WFDC10B: variants seen among roughly 807,000 people sequenced by gnomAD.
WFDC10B encodes the protein protein WFDC10B.
In WFDC10B, 1 loss-of-function variant was observed where a neutral mutation model predicts 2.7. That is an observed-to-expected ratio of 0.38 (90% CI 0.13 to 1.79). The LOEUF is 1.79. WFDC10B is among the 40% of genes most tolerant of loss of function. WFDC10B has a pLI of 0.33. For missense variants in WFDC10B, 71 were observed against 87.8 expected (o/e 0.81, Z 0.76); for synonymous variants, 26 against 32.2 (o/e 0.81, Z 0.65).
At chr20:45,687,690 T>C (rs1983665872) in intron 2 of WFDC10B, among the ~76,000 whole-genome samples, 1 of 152,138 alleles carries the variant, frequency 6.6e-6, no homozygotes, top group Non-Finnish European at 1.5e-5. Context: ...CTTGACTTTT[T>C]AATAACCTCC....
intron 2 of WFDC10B, chr20:45,702,123 C>T: frequency 6.2e-7 from 1 of 1,612,688 alleles, no homozygotes. Flanking sequence ...CCACTGACAC[C>T]ATGAAGCCTG....
At chr20:45,685,086 A>G in intron 3 of WFDC10B, 126 bp from the exon 4 acceptor site, 2 of 1,247,960 alleles carry the variant, frequency 1.6e-6, no homozygotes, top group Admixed American at 2.6e-5. Context: ...TGGACTCTTC[A>G]GGGAACTTCC....
rs368301764 is a variant in WFDC10B at position 45,684,782 on chromosome 20, A to G, written c.*48T>C. 6.2e-7 allele frequency: 1 copy of G among 1,601,676 alleles called. No individual in the cohort carries two copies. Among genetic ancestry groups the G allele is most frequent in the South Asian group, 1.1e-5 (1 of 89,226 alleles). On this transcript the variant is annotated 3_prime_UTR_variant, in exon 4 of 4. Coordinates refer to ENST00000330523, the MANE Select transcript of WFDC10B (RefSeq NM_172006.2). ...GCTTCGGATGTGGGCACAGTCTCGG[A>G]TGGAAGGGTTCAGGGAGCAGGATGC...
At chr20:45,689,473 G>A (rs1983737307) in intron 2 of WFDC10B, among the ~76,000 whole-genome samples, 1 of 152,146 alleles carries the variant, frequency 6.6e-6, no homozygotes, top group Non-Finnish European at 1.5e-5. Flanking sequence ...CTAGCCATGA[G>A]CATGGAATGT....
chr20:45,690,591 T>G (rs1276352213), intron 2 of WFDC10B, among the ~76,000 whole-genome samples: 2 of 152,044 alleles, frequency 1.3e-5, no homozygotes. Flanking sequence ...GTCGAGGAAT[T>G]TATCCATTTC....
At chr20:45,693,374 C>A (rs971569022) in intron 2 of WFDC10B, among the ~76,000 whole-genome samples, 4 of 152,202 alleles carry the variant, frequency 2.6e-5, no homozygotes, top group Non-Finnish European at 4.4e-5. Context: ...CAGACAGGGA[C>A]ATGTAAGTCT....
At chr20:45,692,845 G>A (rs576903068) in intron 2 of WFDC10B, among the ~76,000 whole-genome samples, 58 of 152,238 alleles carry the variant, frequency 3.8e-4, no homozygotes, top group African/African-American at 1.1e-3. Context: ...GTCATTCTCC[G>A]TCCAGCTTTG....
rs761246502 is a variant in WFDC10B at position 45,684,785 on chromosome 20, G to A, written c.*45C>T. The A allele has an allele frequency of 1.2e-5, 19 of 1,603,134 alleles. No individual in the cohort carries two copies. Among genetic ancestry groups the A allele is most frequent in the Non-Finnish European group, 1.5e-5 (18 of 1,173,518 alleles). Reference sequence around the variant, plus strand: ...TCGGATGTGGGCACAGTCTCGGATGGAAGGGTTCAGGGAGCAGGATGCACA... The same window carrying A: ...TCGGATGTGGGCACAGTCTCGGATGAAAGGGTTCAGGGAGCAGGATGCACA... On this transcript the variant is annotated 3_prime_UTR_variant, in exon 4 of 4. Transcript: ENST00000330523.
chr20:45,704,688 T>A, intron 1 of WFDC10B, 127 bp from the exon 2 acceptor site: 2 of 106,436 alleles, frequency 1.9e-5, no homozygotes, highest in Non-Finnish European at 2.5e-5. Context: ...GGATCTCTCC[T>A]TTTTTTTTTT....
chr20:45,686,276 G>A (rs1460348474), intron 2 of WFDC10B, among the ~76,000 whole-genome samples: 1 of 152,052 alleles, frequency 6.6e-6, no homozygotes, highest in Non-Finnish European at 1.5e-5. Flanking sequence ...TTTCCAAAAG[G>A]TACTCTTTAT....
At chr20:45,685,644 G>A (rs1983586043) in intron 3 of WFDC10B, among the ~76,000 whole-genome samples, 1 of 152,102 alleles carries the variant, frequency 6.6e-6, no homozygotes. Context: ...TTTCACTATG[G>A]GATGTACCAT....
chr20:45,689,237 A>G (rs1244277399), intron 2 of WFDC10B, among the ~76,000 whole-genome samples: 1 of 151,706 alleles, frequency 6.6e-6, no homozygotes, highest in African/African-American at 2.4e-5. Flanking sequence ...TGTTTTGGTT[A>G]CTGTAGCCTT....
At chr20:45,703,806 G>A (rs569750907) in intron 2 of WFDC10B, among the ~76,000 whole-genome samples, 76 of 152,244 alleles carry the variant, frequency 5.0e-4, no homozygotes, top group African/African-American at 1.8e-3. Context: ...CCTCCTGATC[G>A]AGAGACACCA....
intron 2 of WFDC10B, among the ~76,000 whole-genome samples, chr20:45,704,182 T>C (rs528672580): frequency 6.6e-6 from 1 of 152,332 alleles, no homozygotes; most frequent in East Asian, 1.9e-4. Context: ...GCTTGGCATC[T>C]GAACTACAAG....
intron 2 of WFDC10B, among the ~76,000 whole-genome samples, chr20:45,692,315 T>G (rs1191080631): frequency 6.6e-6 from 1 of 152,076 alleles, no homozygotes; most frequent in East Asian, 1.9e-4. Context: ...TTATGTGTCT[T>G]GGAGTTGCTC....
At chr20:45,698,852 C>T (rs1296643632) in intron 2 of WFDC10B, among the ~76,000 whole-genome samples, 1 of 151,594 alleles carries the variant, frequency 6.6e-6, no homozygotes, top group African/African-American at 2.4e-5. Flanking sequence ...CCTGTAATCC[C>T]AGCTACTCAG....
Position 45,704,939 on chromosome 20 carries a change from C to T in WFDC10B, c.-151G>A. ...GTACCTGCAGGTGTAACCAAAATCC[C>T]AAAGCAAAATTTGTCCTACACTTTT... On this transcript the variant is annotated 5_prime_UTR_variant, in exon 1 of 4. The change creates a premature stop within an existing upstream ORF in the 5' untranslated region. Transcript: ENST00000330523. The T allele has an allele frequency of 1.2e-6, 2 of 1,614,126 alleles. No homozygotes were observed. The highest frequency in any genetic ancestry group is 1.7e-6 in the Non-Finnish European group (2 of 1,180,004).
intron 3 of WFDC10B, 43 bp from the exon 4 acceptor site, chr20:45,685,003 T>C (rs758737744): frequency 3.1e-6 from 5 of 1,609,614 alleles, no homozygotes; most frequent in Admixed American, 1.7e-5. Context: ...CATGCACCTA[T>C]AGAGCAGCCT....
intron 2 of WFDC10B, among the ~76,000 whole-genome samples, chr20:45,688,806 T>C (rs1490113236): frequency 6.6e-6 from 1 of 152,226 alleles, no homozygotes; most frequent in Non-Finnish European, 1.5e-5. Context: ...TGTTCTCTGA[T>C]GGTAGTTTCT....
Sources: gnomAD v4.1 joint callset for allele counts (sites outside exome capture counted in the v4.1 genomes callset) on GRCh38, gnomAD v4.1.1 for gene constraint, MANE v1.5 for transcripts, NCBI Gene and HGNC (gene_info 2026-07-23, HGNC 2026-07-21) for gene names.